FNBP1: variants seen among roughly 807,000 people sequenced by gnomAD.
The protein encoded by FNBP1 is formin-binding protein 1.
Under a neutral mutation model 90.6 loss-of-function variants are expected in FNBP1, and 26 were observed. That is an observed-to-expected ratio of 0.29 (90% CI 0.21 to 0.40). FNBP1 has a LOEUF of 0.40. Ranked by LOEUF, FNBP1 falls within the 10% of genes least tolerant of loss-of-function variation. The pLI is 1.00. For synonymous variants in FNBP1, 260 were observed against 265.2 expected, an observed-to-expected ratio of 0.98 and a Z score of 0.19; for missense variants, 635 against 768.0, an observed-to-expected ratio of 0.83 and a Z score of 2.05.
At chr9:130,048,491 C>CTTTTTTTTTTTTTT in the FNBP1 span, among the ~76,000 whole-genome samples, 62 of 105,082 alleles carry the variant, frequency 5.9e-4, 7 homozygotes, top group Admixed American at 9.7e-4. Flanking sequence ...CCTCAGTTTC[C>CTTTTTTTTTTTTTT]TTTTTTTTTT....
chr9:130,029,060 A>G (rs1470289192), intron 1 of FNBP1, among the ~76,000 whole-genome samples: 2 of 152,218 alleles, frequency 1.3e-5, no homozygotes, highest in African/African-American at 4.8e-5. Context: ...CAGATTACAT[A>G]TAAGCAAAAC....
intron 6 of FNBP1, among the ~76,000 whole-genome samples, chr9:129,947,056 T>C (rs7857520): frequency 1 from 152,096 of 152,328 alleles, 75,932 homozygotes; most frequent in Non-Finnish European, 1. Flanking sequence ...ACAGACAAAC[T>C]GTGATTTTAA....
intron 4 of FNBP1, among the ~76,000 whole-genome samples, chr9:129,963,086 G>C (rs560151703): frequency 2.0e-5 from 3 of 152,276 alleles, no homozygotes; most frequent in African/African-American, 7.2e-5. Flanking sequence ...TTTACTTTGA[G>C]ATTCAAAGAC....
At chr9:130,011,956 T>C (rs375245202) in intron 1 of FNBP1, among the ~76,000 whole-genome samples, 1 of 152,012 alleles carries the variant, frequency 6.6e-6, no homozygotes, top group Non-Finnish European at 1.5e-5. Context: ...CAAAACACTC[T>C]TGAAGAACAA....
chr9:130,043,495 C>G (rs1564647811), upstream of FNBP1, among the ~76,000 whole-genome samples: 1 of 152,346 alleles, frequency 6.6e-6, no homozygotes, highest in East Asian at 1.9e-4. Flanking sequence ...CTGGGATCAC[C>G]GATGCTCCGC....
At chr9:129,901,177 G>A (rs1035796836) in intron 13 of FNBP1, among the ~76,000 whole-genome samples, 9 of 152,112 alleles carry the variant, frequency 5.9e-5, no homozygotes, top group Admixed American at 1.3e-4. Context: ...AGGCCGAGGT[G>A]GGTGAATCAC....
At chr9:130,027,011 AAAC>A (rs1210878947) in intron 1 of FNBP1, among the ~76,000 whole-genome samples, 1 of 152,078 alleles carries the variant, frequency 6.6e-6, no homozygotes, top group Non-Finnish European at 1.5e-5. Flanking sequence ...ATATTCCTCA[AAAC>A]AACACTTCTG....
intron 11 of FNBP1, among the ~76,000 whole-genome samples, chr9:129,909,990 T>G (rs1276534758): frequency 1.3e-5 from 2 of 152,136 alleles, no homozygotes; most frequent in Non-Finnish European, 2.9e-5. Context: ...ATCTCCGCGG[T>G]TTTTAATCTG....
chr9:129,990,388 G>A (rs1381176506), intron 2 of FNBP1, among the ~76,000 whole-genome samples: 1 of 152,162 alleles, frequency 6.6e-6, no homozygotes. Context: ...AGGAGAGGGA[G>A]TCAGCCACTT....
At position 129,966,270 on chromosome 9, in the gene FNBP1, A is replaced by C. The variant is rs931658811; in HGVS notation, c.346-7717T>G. 1.3e-5 allele frequency among the ~76,000 whole-genome samples: 2 copies of C among 152,222 alleles called. No individual in the cohort carries two copies. The highest frequency in any genetic ancestry group is 1.9e-4 in the East Asian group (1 of 5,200). On this transcript the variant is annotated intron_variant, in intron 4 of 16. Coordinates refer to ENST00000446176, the MANE Select transcript of FNBP1 (RefSeq NM_015033.3). The surrounding 1 kb of genome is among the most constrained non-coding windows in gnomAD (Gnocchi z 4.3). ...GAGGAATACCCTCCAAGCCGCAGGC[A>C]GAGCAAGTGCAGATGCTCTGAGTGT...
At chr9:129,974,203 A>G (rs565633982) in intron 4 of FNBP1, among the ~76,000 whole-genome samples, 1 of 152,074 alleles carries the variant, frequency 6.6e-6, no homozygotes, top group Non-Finnish European at 1.5e-5. Context: ...ATGTCGAAAA[A>G]AACTCACTGG....
At chr9:130,023,253 G>GC (rs1241380270) in intron 1 of FNBP1, among the ~76,000 whole-genome samples, 1 of 151,918 alleles carries the variant, frequency 6.6e-6, no homozygotes, top group Admixed American at 6.6e-5. Context: ...ACCAGGTGTG[G>GC]CCTATTCAAA....
chr9:129,951,059 C>A (rs1419143290), intron 6 of FNBP1, among the ~76,000 whole-genome samples: 2 of 151,514 alleles, frequency 1.3e-5, no homozygotes, highest in African/African-American at 4.9e-5. Flanking sequence ...GCAACCTCCA[C>A]CTCCTGGGTT....
At chr9:129,976,077 C>G (rs762910733) in intron 4 of FNBP1, among the ~76,000 whole-genome samples, 2 of 152,098 alleles carry the variant, frequency 1.3e-5, no homozygotes, top group Non-Finnish European at 2.9e-5. Flanking sequence ...GTACTTCATT[C>G]TGAACCTTAG....
At chr9:130,036,663 T>C (rs1315313875) in intron 1 of FNBP1, among the ~76,000 whole-genome samples, 1 of 152,234 alleles carries the variant, frequency 6.6e-6, no homozygotes, top group Non-Finnish European at 1.5e-5. Flanking sequence ...GAAGCAGTTC[T>C]GCCCTACCCA....
chr9:129,973,542 C>T (rs1249684877), intron 4 of FNBP1, among the ~76,000 whole-genome samples: 3 of 152,142 alleles, frequency 2.0e-5, no homozygotes, highest in Non-Finnish European at 2.9e-5. Context: ...ACTCTGTCGC[C>T]CAGGCTGGAG....
chr9:129,961,030 T>C (rs1348782448), intron 4 of FNBP1, among the ~76,000 whole-genome samples: 2 of 151,904 alleles, frequency 1.3e-5, no homozygotes, highest in Non-Finnish European at 1.5e-5. Flanking sequence ...GTAGAGAGAC[T>C]AGCCGAGCGT....
chr9:130,011,609 G>A (rs1037824361), intron 1 of FNBP1, among the ~76,000 whole-genome samples: 3 of 152,084 alleles, frequency 2.0e-5, no homozygotes, highest in Admixed American at 1.3e-4. Flanking sequence ...AGCACCATCT[G>A]AGGAATGGGC....
chr9:129,985,013 G>T (rs1300665650), intron 2 of FNBP1, among the ~76,000 whole-genome samples: 1 of 152,030 alleles, frequency 6.6e-6, no homozygotes, highest in African/African-American at 2.4e-5. Context: ...ACCTAATGGC[G>T]TAAACCCCAT....
Sources: allele counts gnomAD v4.1 joint callset (sites outside exome capture counted in the v4.1 genomes callset), GRCh38; gene constraint gnomAD v4.1.1; non-coding constraint Gnocchi (gnomAD v3.1); transcripts MANE v1.5; gene names NCBI Gene and HGNC (gene_info 2026-07-23, HGNC 2026-07-21).